Variants in C1QTNF3 observed in about 807,000 individuals in gnomAD.
C1QTNF3 encodes the protein complement C1q tumor necrosis factor-related protein 3.
In C1QTNF3, 26 loss-of-function variants were observed where a neutral mutation model predicts 32.6. The ratio of observed to expected loss-of-function variants is 0.80; its 90% confidence interval spans 0.58 to 1.11. C1QTNF3 has a LOEUF of 1.11. Ranked by LOEUF, C1QTNF3 falls within the 50% of genes least tolerant of loss-of-function variation. C1QTNF3 has a pLI of 0.00. For missense variants in C1QTNF3, 362 were observed against 398.2 expected (o/e 0.91, Z 0.77); for synonymous variants, 155 against 146.0 (o/e 1.06, Z -0.44).
At chr5:34,215,015 C>A in the C1QTNF3 span, among the ~76,000 whole-genome samples, 1 of 152,018 alleles carries the variant, frequency 6.6e-6, no homozygotes, top group Non-Finnish European at 1.5e-5. Context: ...GTTTTGCTAC[C>A]CTCATTTTAT....
the C1QTNF3 span, among the ~76,000 whole-genome samples, chr5:34,176,256 G>A: frequency 4.5e-4 from 64 of 140,714 alleles, no homozygotes; most frequent in Middle Eastern, 0.011. Context: ...ACTGTTGTGC[G>A]GTGGGGGGAG....
the C1QTNF3 span, among the ~76,000 whole-genome samples, chr5:34,089,860 A>G: frequency 6.6e-6 from 1 of 152,350 alleles, no homozygotes; most frequent in East Asian, 1.9e-4. Flanking sequence ...AAATAATGTC[A>G]ACTGTATCTT....
At chr5:34,092,648 T>C in the C1QTNF3 span, among the ~76,000 whole-genome samples, 5 of 151,586 alleles carry the variant, frequency 3.3e-5, no homozygotes, top group African/African-American at 1.2e-4. Flanking sequence ...TGATGACTAC[T>C]GGGTTTTTCA....
At chr5:34,174,050 A>C in the C1QTNF3 span, among the ~76,000 whole-genome samples, 3 of 152,302 alleles carry the variant, frequency 2.0e-5, 1 homozygote, top group African/African-American at 7.2e-5. Flanking sequence ...ATGATCTCAA[A>C]TCTTCAGGTT....
chr5:34,102,841 G>A, the C1QTNF3 span, among the ~76,000 whole-genome samples: 1 of 152,260 alleles, frequency 6.6e-6, no homozygotes, highest in Non-Finnish European at 1.5e-5. Context: ...TGTGGGGTGG[G>A]GGCTGGGGGA....
At position 34,033,341 on chromosome 5, in the gene C1QTNF3, C is replaced by T; in HGVS notation, c.533G>A (p.Gly178Glu). The change falls in exon 3 of 6, where the codon GGA becomes GAA. Residue 178 changes from glycine (G) to glutamate (E), a missense_variant. By Grantham distance (98) the Gly-to-Glu change is moderately conservative (BLOSUM62 -2). Transcript: ENST00000382065. ...RGERGQHGPKGEKGYPGIPPE... is the reference protein window; with the variant it reads ...RGERGQHGPKEEKGYPGIPPE... ...TGGAATCCCCGGGTAGCCCTTCTCT[C>T]CTTTGGGGCCATGCTGCCCCCGCTC... The T allele has an allele frequency of 6.2e-7, 1 of 1,613,928 alleles. No homozygotes were observed. The highest frequency in any genetic ancestry group is 8.5e-7 in the Non-Finnish European group (1 of 1,179,940).
At chr5:34,044,875 T>C (rs190656331), upstream of C1QTNF3, among the ~76,000 whole-genome samples, 10 of 152,250 alleles carry the variant, frequency 6.6e-5, no homozygotes, top group Non-Finnish European at 1.3e-4. Context: ...CATTAAAAGG[T>C]AGATGTCCCT....
the C1QTNF3 span, among the ~76,000 whole-genome samples, chr5:34,217,183 T>C: frequency 6.6e-6 from 1 of 152,132 alleles, no homozygotes; most frequent in Admixed American, 6.6e-5. Flanking sequence ...TAGTAAATTA[T>C]TAATATTAAC....
At chr5:34,221,836 C>G in the C1QTNF3 span, among the ~76,000 whole-genome samples, 1 of 152,072 alleles carries the variant, frequency 6.6e-6, no homozygotes, top group South Asian at 2.1e-4. Context: ...ATATTTAAAT[C>G]ACTGGCAGAA....
the C1QTNF3 span, among the ~76,000 whole-genome samples, chr5:34,177,760 T>A: frequency 2.0e-5 from 3 of 151,898 alleles, no homozygotes; most frequent in Admixed American, 2.0e-4. Flanking sequence ...GTGCTGGGAT[T>A]ACAGGCGTCA....
the C1QTNF3 span, among the ~76,000 whole-genome samples, chr5:34,210,964 T>C: frequency 1.3e-5 from 2 of 152,106 alleles, no homozygotes; most frequent in Admixed American, 1.3e-4. Context: ...CTAAATATGA[T>C]TTGGATTAAA....
At chr5:34,074,170 G>GCGACCCAGAAGTTTTGTGTGT in the C1QTNF3 span, among the ~76,000 whole-genome samples, 3 of 152,068 alleles carry the variant, frequency 2.0e-5, no homozygotes, top group African/African-American at 7.3e-5. Flanking sequence ...GAAAACAGAG[G>GCGACCCAGAAGTTTTGTGTGT]TGCAGAAATC....
chr5:34,195,216 C>T, the C1QTNF3 span, among the ~76,000 whole-genome samples: 1 of 152,126 alleles, frequency 6.6e-6, no homozygotes, highest in African/African-American at 2.4e-5. Context: ...TATATATGTA[C>T]AATTATTATG....
chr5:34,026,160 A>G (rs562197109), intron 4 of C1QTNF3, among the ~76,000 whole-genome samples: 15 of 152,332 alleles, frequency 9.8e-5, no homozygotes, highest in Middle Eastern at 3.4e-3. Context: ...AAGAAAATCA[A>G]TGAACTTCAA....
the C1QTNF3 span, among the ~76,000 whole-genome samples, chr5:34,213,195 A>C: frequency 6.6e-6 from 1 of 152,182 alleles, no homozygotes; most frequent in Non-Finnish European, 1.5e-5. Flanking sequence ...AATAAGAGAC[A>C]GCATGTAAAA....
chr5:34,174,933 T>C, the C1QTNF3 span, among the ~76,000 whole-genome samples: 10 of 151,486 alleles, frequency 6.6e-5, no homozygotes, highest in Admixed American at 4.0e-4. Context: ...GTATTTTCAG[T>C]AGAGACAGGG....
chr5:34,063,769 C>T, the C1QTNF3 span, among the ~76,000 whole-genome samples: 22 of 152,238 alleles, frequency 1.4e-4, no homozygotes, highest in African/African-American at 5.3e-4. Flanking sequence ...TTTGGAGATA[C>T]AACTTGCTAG....
the C1QTNF3 span, among the ~76,000 whole-genome samples, chr5:34,197,660 G>A: frequency 5.3e-5 from 8 of 152,080 alleles, no homozygotes; most frequent in African/African-American, 9.7e-5. Context: ...AGTAAAGGTT[G>A]CTGTCATGTT....
chr5:34,244,724 T>G, the C1QTNF3 span: 1 of 151,960 alleles, frequency 6.6e-6, no homozygotes, highest in Non-Finnish European at 1.5e-5. Context: ...CTTTGCCTAG[T>G]GCATCCCGGC....
Sources: allele counts gnomAD v4.1 joint callset (sites outside exome capture counted in the v4.1 genomes callset), GRCh38; gene constraint gnomAD v4.1.1; transcripts MANE v1.5; gene names NCBI Gene and HGNC (gene_info 2026-07-23, HGNC 2026-07-21).